The following QTMAN variants were observed in gnomAD, a reference collection of about 807,000 sequenced individuals.
QTMAN encodes the protein queuosine-tRNA mannosyltransferase, also known as tRNA-queuosine alpha-mannosyltransferase.
At chr2:144,004,503 T>A in the QTMAN span, among the ~76,000 whole-genome samples, 1 of 151,992 alleles carries the variant, frequency 6.6e-6, no homozygotes, top group Non-Finnish European at 1.5e-5. Flanking sequence ...TGATAAAGCA[T>A]CTACCACTAA....
the QTMAN span, among the ~76,000 whole-genome samples, chr2:144,027,728 G>A: frequency 3.9e-5 from 6 of 152,252 alleles, no homozygotes; most frequent in Admixed American, 3.3e-4. Context: ...AAACACACAC[G>A]CACACCCAGA....
the QTMAN span, among the ~76,000 whole-genome samples, chr2:144,244,542 T>C: frequency 2.0e-5 from 3 of 152,272 alleles, no homozygotes; most frequent in South Asian, 4.1e-4. Context: ...GAAAGAATAA[T>C]ATAAAAAGTA....
chr2:144,235,868 C>T, the QTMAN span: 2 of 152,258 alleles, frequency 1.3e-5, no homozygotes, highest in African/African-American at 4.8e-5. Context: ...GGGAGAAGAA[C>T]GTGCAAGAAC....
chr2:144,311,781 C>A, the QTMAN span, among the ~76,000 whole-genome samples: 178 of 152,324 alleles, frequency 1.2e-3, no homozygotes, highest in African/African-American at 4.2e-3. Context: ...GCCACTTACA[C>A]ATTTAAAGTA....
the QTMAN span, among the ~76,000 whole-genome samples, chr2:144,065,762 CT>C: frequency 0.051 from 6,731 of 132,326 alleles, 193 homozygotes; most frequent in East Asian, 0.19. Context: ...AAGAAAATAA[CT>C]TTTTTTTTTT....
At chr2:144,148,269 GCTA>G in the QTMAN span, among the ~76,000 whole-genome samples, 3 of 151,644 alleles carry the variant, frequency 2.0e-5, no homozygotes, top group Admixed American at 6.6e-5. Context: ...TCAGCCAAAT[GCTA>G]CTACTAATAA....
the QTMAN span, among the ~76,000 whole-genome samples, chr2:144,000,066 C>A: frequency 4.6e-5 from 7 of 151,954 alleles, no homozygotes; most frequent in Non-Finnish European, 5.9e-5. Flanking sequence ...CAACAAGGCA[C>A]CAAAAATGGA....
At chr2:144,250,130 T>G in the QTMAN span, among the ~76,000 whole-genome samples, 1 of 145,442 alleles carries the variant, frequency 6.9e-6, no homozygotes, top group East Asian at 1.9e-4. Context: ...TGTGTTTTTT[T>G]TTTTTGTTTG....
the QTMAN span, among the ~76,000 whole-genome samples, chr2:144,105,485 A>G: frequency 3.3e-5 from 5 of 152,242 alleles, no homozygotes; most frequent in African/African-American, 1.2e-4. Context: ...GATTCAATCA[A>G]CTGGAAGAAA....
chr2:144,187,144 G>C, the QTMAN span, among the ~76,000 whole-genome samples: 4 of 152,286 alleles, frequency 2.6e-5, no homozygotes, highest in South Asian at 6.2e-4. Flanking sequence ...ATACCACTTT[G>C]TGGTTGTCTT....
the QTMAN span, among the ~76,000 whole-genome samples, chr2:144,323,360 C>A: frequency 6.6e-5 from 10 of 152,188 alleles, no homozygotes; most frequent in Admixed American, 1.3e-4. Flanking sequence ...GTTATCACTT[C>A]TTCAAGGACA....
chr2:143,944,238 T>C, the QTMAN span: 8 of 147,630 alleles, frequency 5.4e-5, no homozygotes, highest in Non-Finnish European at 8.9e-5. Context: ...AATGTGCGTG[T>C]GCACACACAC....
At chr2:144,147,250 A>G in the QTMAN span, among the ~76,000 whole-genome samples, 1 of 150,646 alleles carries the variant, frequency 6.6e-6, no homozygotes, top group Non-Finnish European at 1.5e-5. Flanking sequence ...GTTATAATTT[A>G]TCTCTTTAAG....
the QTMAN span, among the ~76,000 whole-genome samples, chr2:144,241,139 C>A: frequency 6.6e-6 from 1 of 152,196 alleles, no homozygotes; most frequent in African/African-American, 2.4e-5. Flanking sequence ...GGACCAGTAG[C>A]AGCAGCAACA....
At chr2:144,207,384 A>G in the QTMAN span, among the ~76,000 whole-genome samples, 2 of 152,148 alleles carry the variant, frequency 1.3e-5, no homozygotes, top group Non-Finnish European at 2.9e-5. Context: ...AGCAAGCTAC[A>G]TTTAAGTCAC....
chr2:144,249,826 A>C, the QTMAN span, among the ~76,000 whole-genome samples: 1 of 152,240 alleles, frequency 6.6e-6, no homozygotes, highest in Non-Finnish European at 1.5e-5. Context: ...GCATCTTAGA[A>C]ATTTTAAGAT....
At chr2:144,327,234 C>A in the QTMAN span, among the ~76,000 whole-genome samples, 1 of 151,928 alleles carries the variant, frequency 6.6e-6, no homozygotes, top group Non-Finnish European at 1.5e-5. Context: ...TGCACCCCTT[C>A]CCCCATACCC....
At chr2:144,092,502 C>T in the QTMAN span, among the ~76,000 whole-genome samples, 33 of 152,168 alleles carry the variant, frequency 2.2e-4, no homozygotes, top group Non-Finnish European at 4.6e-4. Context: ...ATGTAGTTTA[C>T]TGTCTACCAA....
the QTMAN span, among the ~76,000 whole-genome samples, chr2:144,061,708 TA>T: frequency 6.6e-6 from 1 of 152,104 alleles, no homozygotes; most frequent in African/African-American, 2.4e-5. Flanking sequence ...CCCGTGGCCC[TA>T]AATGAGAACA....
Sources: allele counts gnomAD v4.1 joint callset (sites outside exome capture counted in the v4.1 genomes callset), GRCh38; gene constraint gnomAD v4.1.1; transcripts MANE v1.5; gene names NCBI Gene and HGNC (gene_info 2026-07-23, HGNC 2026-07-21).